The following CDH12 variants were observed in gnomAD, a reference collection of about 807,000 sequenced individuals.
The protein encoded by CDH12 is cadherin-12.
A neutral mutation model predicts 74.1 loss-of-function variants in CDH12; 41 were observed. The observed-to-expected ratio is 0.55, with a 90% CI of 0.43 to 0.72. CDH12 has a LOEUF of 0.72. Among genes scored for constraint, CDH12 ranks in the 30% least tolerant of loss-of-function variants. The pLI is 0.00. For missense variants in CDH12, 945 were observed against 977.2 expected (o/e 0.97, Z 0.44); for synonymous variants, 399 against 355.0 (o/e 1.12, Z -1.39).
chr5:22,480,682 A>G (rs1746353254), intron 2 of CDH12, among the ~76,000 whole-genome samples: 2 of 152,144 alleles, frequency 1.3e-5, no homozygotes, highest in Admixed American at 6.6e-5. Flanking sequence ...ACAGAAGTGC[A>G]TGAGCTTTTC....
At chr5:21,922,069 G>T (rs1310264904) in intron 6 of CDH12, among the ~76,000 whole-genome samples, 1 of 152,080 alleles carries the variant, frequency 6.6e-6, no homozygotes, top group Admixed American at 6.6e-5. Flanking sequence ...AGGTAGAAAC[G>T]TCTCTGTGAT....
At position 22,535,096 on chromosome 5, in the gene CDH12, C is replaced by A. The variant is rs564415075; in HGVS notation, c.-522-29732G>T. On this transcript the variant is annotated intron_variant, in intron 1 of 14. Transcript: ENST00000382254. ...ACACCATTCTCCTGCCTCAGCCTCC[C>A]GAGTAGCTGGGACTACAGACGCCTG... Among the ~76,000 whole-genome samples, 58 of 148,372 alleles carry A rather than the reference C, an allele frequency of 3.9e-4. 2 individuals are homozygous for A. In the South Asian group the frequency reaches 0.012, roughly 32 times the overall value.
rs548438886 is a variant in CDH12 at position 22,716,249 on chromosome 5, C to T, written c.-523+136809G>A. Among the ~76,000 whole-genome samples, 9 of 152,232 alleles carry T rather than the reference C, an allele frequency of 5.9e-5. No homozygotes were observed. The East Asian group carries it at 1.7e-3, about 30-fold the overall frequency. ...AACAGAATCAGTGTGAAGAGAGGAG[C>T]AGAGCCTTTACTGGATGGTTGGTGA... On this transcript the variant is annotated intron_variant, in intron 1 of 14. Coordinates refer to ENST00000382254, the MANE Select transcript of CDH12 (RefSeq NM_004061.5).
intron 8 of CDH12, among the ~76,000 whole-genome samples, chr5:21,828,303 G>A (rs1165739749): frequency 6.6e-6 from 1 of 151,980 alleles, no homozygotes; most frequent in East Asian, 1.9e-4. Flanking sequence ...TGTATTTTTA[G>A]TAAAGACGGG....
intron 1 of CDH12, among the ~76,000 whole-genome samples, chr5:22,653,572 C>A (rs1198316916): frequency 6.6e-6 from 1 of 152,160 alleles, no homozygotes; most frequent in Non-Finnish European, 1.5e-5. Context: ...TCATATCATA[C>A]CTGCTGCATG....
chr5:21,948,457 T>C (rs1211594361), intron 6 of CDH12, among the ~76,000 whole-genome samples: 2 of 152,222 alleles, frequency 1.3e-5, no homozygotes, highest in African/African-American at 2.4e-5. Flanking sequence ...ATCCCCTTTG[T>C]TTTGACTAAT....
intron 14 of CDH12, among the ~76,000 whole-genome samples, chr5:21,753,503 T>C (rs1235847105): frequency 6.6e-6 from 1 of 152,186 alleles, no homozygotes; most frequent in African/African-American, 2.4e-5. Context: ...AGAAACTAGC[T>C]GGATGTGCCT....
rs1554039892 is a variant in CDH12 at position 22,425,172 on chromosome 5, A to ATATATATAT, written c.-427-19822_-427-19821insATATATATA. Among the ~76,000 whole-genome samples the ATATATATAT allele has an allele frequency of 1.1e-3, 93 of 83,444 alleles. 2 individuals are homozygous for ATATATATAT. The highest frequency in any genetic ancestry group is 1.6e-3 in the South Asian group (4 of 2,522). 54.7% of individuals were successfully genotyped at this position (83,444 alleles called of 152,430 possible). On this transcript the variant is annotated intron_variant, in intron 2 of 14. Coordinates refer to ENST00000382254, the MANE Select transcript of CDH12 (RefSeq NM_004061.5). Reference sequence around the variant, plus strand: ...GTGTGTGTATATATATATATATATAAATATATATATATATATACTTCTTTC... The same window carrying ATATATATAT: ...GTGTGTGTATATATATATATATATAATATATATATATATATATATATATATACTTCTTTC...
intron 1 of CDH12, among the ~76,000 whole-genome samples, chr5:22,625,765 C>T (rs1580828670): frequency 6.6e-6 from 1 of 152,250 alleles, no homozygotes. Flanking sequence ...TGGAGGCCCT[C>T]ATCATAGCTC....
chr5:22,361,086 C>G (rs903243330), intron 3 of CDH12, among the ~76,000 whole-genome samples: 1 of 152,092 alleles, frequency 6.6e-6, no homozygotes, highest in African/African-American at 2.4e-5. Context: ...CCAGGGCAAT[C>G]AGGCAGGAGA....
At chr5:22,733,066 G>C (rs1486693952) in intron 1 of CDH12, among the ~76,000 whole-genome samples, 1 of 151,892 alleles carries the variant, frequency 6.6e-6, no homozygotes, top group East Asian at 1.9e-4. Context: ...GAGTCATTGA[G>C]AAATGACTGA....
At chr5:22,494,430 C>A (rs1747019038) in intron 2 of CDH12, among the ~76,000 whole-genome samples, 1 of 152,154 alleles carries the variant, frequency 6.6e-6, no homozygotes, top group Admixed American at 6.5e-5. Flanking sequence ...TATCCACAAC[C>A]CTGAACTGAA....
chr5:21,943,805 T>G (rs1224203253), intron 6 of CDH12, among the ~76,000 whole-genome samples: 1 of 152,194 alleles, frequency 6.6e-6, no homozygotes, highest in Non-Finnish European at 1.5e-5. Flanking sequence ...ATTTGCAGTG[T>G]TCAGTGCAAA....
chr5:22,401,593 C>G (rs1228507119), intron 3 of CDH12, among the ~76,000 whole-genome samples: 5 of 152,040 alleles, frequency 3.3e-5, no homozygotes, highest in Admixed American at 2.6e-4. Flanking sequence ...AGGTCAAATA[C>G]TATAATAGTT....
intron 1 of CDH12, among the ~76,000 whole-genome samples, chr5:22,727,992 A>C (rs1170176288): frequency 1.3e-5 from 2 of 151,866 alleles, no homozygotes; most frequent in East Asian, 1.9e-4. Flanking sequence ...ATTTCTAATA[A>C]ATTTTAGTCA....
intron 5 of CDH12, among the ~76,000 whole-genome samples, chr5:22,069,962 A>G (rs1741831207): frequency 6.6e-6 from 1 of 152,226 alleles, no homozygotes; most frequent in South Asian, 2.1e-4. Flanking sequence ...TGCTGACAGC[A>G]AAGGTAATAC....
At chr5:21,974,977 T>C (rs1405833051) in intron 6 of CDH12, 114 bp downstream of exon 6, 30 of 758,402 alleles carry the variant, frequency 4.0e-5, no homozygotes, top group South Asian at 3.1e-4. Context: ...CTGTATTTTC[T>C]AGAATTGAAA....
In CDH12 at chr5:22,484,412, G is replaced by A. The variant is rs941426366; in HGVS notation, c.-428+20858C>T. ...CACAGCTTTAGACATACTTGGATCT[G>A]AACTCTGTCTCCCAACTCTACTTCT... On this transcript the variant is annotated intron_variant, in intron 2 of 14. Transcript: ENST00000382254. 3.9e-5 allele frequency among the ~76,000 whole-genome samples: 6 copies of A among 152,102 alleles called. No individual in the cohort carries two copies. The South Asian group carries it at 8.3e-4, about 21-fold the overall frequency.
At chr5:22,534,976 A>AT (rs546689277) in intron 1 of CDH12, among the ~76,000 whole-genome samples, 9,639 of 137,030 alleles carry the variant, frequency 0.07, 736 homozygotes, top group African/African-American at 0.17. Context: ...TTTCTATTGC[A>AT]TTTTTTTTTT....
Sources: allele counts gnomAD v4.1 joint callset (sites outside exome capture counted in the v4.1 genomes callset), GRCh38; gene constraint gnomAD v4.1.1; transcripts MANE v1.5; gene names NCBI Gene and HGNC (gene_info 2026-07-23, HGNC 2026-07-21).